MAP3K21: variants seen among roughly 807,000 people sequenced by gnomAD.
MAP3K21 encodes the protein mitogen-activated protein kinase kinase kinase MLK4.
MAP3K21 carries 63 observed loss-of-function variants against 86.1 expected under a neutral mutation model. The ratio of observed to expected loss-of-function variants is 0.73; its 90% CI spans 0.60 to 0.90. The LOEUF is 0.90. Among genes scored for constraint, MAP3K21 ranks in the 40% least tolerant of loss-of-function variants. The pLI, the probability that MAP3K21 is intolerant of heterozygous loss-of-function variation, is 0.00. For missense variants in MAP3K21, 1,220 were observed against 1,367.7 expected (o/e 0.89, Z 1.70); for synonymous variants, 558 against 564.8 (o/e 0.99, Z 0.17).
chr1:233,355,935 C>T (rs1384708251), intron 4 of MAP3K21, among the ~76,000 whole-genome samples: 1 of 152,160 alleles, frequency 6.6e-6, no homozygotes, highest in East Asian at 1.9e-4. Flanking sequence ...CCATTGCCCA[C>T]TTTTTTGCCA....
chr1:233,364,382 TC>T (rs1306023356), intron 5 of MAP3K21, among the ~76,000 whole-genome samples: 2 of 152,230 alleles, frequency 1.3e-5, no homozygotes, highest in Non-Finnish European at 2.9e-5. Flanking sequence ...ATGTCAGTTT[TC>T]TTCTAGCTGT....
At position 233,328,030 on chromosome 1, in the gene MAP3K21, T is replaced by TGGCTTTGCGG. The variant is rs1202745418; in HGVS notation, c.6_15dup (p.Ala6_?5). ...CGCCTTCCCCGCGCAGCTGCCCCCA[T>TGGCTTTGCGG]GGCTTTGCGGGGCGCCGCGGGAGCG... On this transcript the variant is annotated frameshift_variant and start_lost, in exon 1 of 10. Coordinates refer to ENST00000366624, the MANE Select transcript of MAP3K21 (RefSeq NM_032435.3). LOFTEE classifies it high-confidence loss of function. The surrounding 1 kb of genome is among the most constrained non-coding windows in gnomAD (Gnocchi z 8.7). 4.6e-6 allele frequency: 6 copies of TGGCTTTGCGG among 1,300,066 alleles called. No homozygotes were observed. Among genetic ancestry groups the TGGCTTTGCGG allele is most frequent in the Non-Finnish European group, 5.8e-6 (6 of 1,028,508 alleles). The allele number at this position is 1,300,066 out of a possible 1,614,324, so 80.5% of individuals were successfully genotyped here. A position where few individuals can be genotyped will look rare whatever the true frequency, so the allele number is the denominator to read the frequency against.
At chr1:233,348,008 C>T (rs6703635) in intron 2 of MAP3K21, among the ~76,000 whole-genome samples, 67,514 of 151,964 alleles carry the variant, frequency 0.44, 15,477 homozygotes, top group East Asian at 0.58. Flanking sequence ...TCACATACCA[C>T]GAAACTGATG....
At chr1:233,350,111 C>A (rs1031177358) in intron 2 of MAP3K21, among the ~76,000 whole-genome samples, 6 of 152,104 alleles carry the variant, frequency 3.9e-5, no homozygotes, top group African/African-American at 1.4e-4. Flanking sequence ...ATAGTGTTTG[C>A]ATATAGCCTG....
In MAP3K21 at chr1:233,335,533, T is replaced by TA. The variant is rs986672039; in HGVS notation, c.805+6710dup. 1.3e-3 allele frequency among the ~76,000 whole-genome samples: 196 copies of TA among 148,160 alleles called. 1 individual carries two copies. The highest frequency in any genetic ancestry group is 0.013 in the East Asian group (65 of 5,084). ...GCTCTAATTATCCCCAATTTACAGG[T>TA]AAAAAAAAAACTGAACTCAATGATT... is the stretch of plus-strand genomic sequence containing the variant. On this transcript the variant is annotated intron_variant, in intron 1 of 9. Coordinates refer to ENST00000366624, the MANE Select transcript of MAP3K21 (RefSeq NM_032435.3).
chr1:233,373,016 T>C (rs1024086169), intron 6 of MAP3K21: 4 of 152,114 alleles, frequency 2.6e-5, no homozygotes, highest in Admixed American at 1.3e-4. Flanking sequence ...CATTTTTTTT[T>C]CCTCTTTTGA....
At chr1:233,372,285 T>C (rs1044431986) in intron 6 of MAP3K21, 125 bp downstream of exon 6, 2 of 1,058,988 alleles carry the variant, frequency 1.9e-6, no homozygotes, top group Admixed American at 5.4e-5. Context: ...ATTTCGTAGG[T>C]GCCACAACTA....
intron 3 of MAP3K21, among the ~76,000 whole-genome samples, chr1:233,354,194 C>A (rs1344509278): frequency 6.6e-6 from 1 of 152,082 alleles, no homozygotes; most frequent in East Asian, 1.9e-4. Context: ...GTATAAAACT[C>A]AACTGAAAAG....
In MAP3K21 at chr1:233,382,337, T is replaced by A. The variant is rs1471127417; in HGVS notation, c.2737T>A (p.Ser913Thr). 1 of 1,613,940 alleles carries A rather than the reference T, an allele frequency of 6.2e-7. No homozygotes were observed. Among genetic ancestry groups the A allele is most frequent in the Non-Finnish European group, 8.5e-7 (1 of 1,179,960 alleles). Residue 913 changes from serine (S) to threonine (T), a missense_variant, in exon 10 of 10, where the codon TCT becomes ACT. Around this residue, in one of 5 missense-constraint regions of MAP3K21, gnomAD observed 632 missense variants for 691.3 expected, o/e 0.91. Coordinates refer to ENST00000366624, the MANE Select transcript of MAP3K21 (RefSeq NM_032435.3). ...AACTATTATCTCAGCCACTGGAGCCTCTGCACTGCCACTCTGCCCCTCACC... is the reference window on the plus strand; with the variant it reads ...AACTATTATCTCAGCCACTGGAGCCACTGCACTGCCACTCTGCCCCTCACC... ...GATIISATGASALPLCPSPAP... is the reference protein window; with the variant it reads ...GATIISATGATALPLCPSPAP...
Position 233,361,996 on chromosome 1 carries a change from C to T in MAP3K21, c.1312-57C>T, listed in dbSNP as rs1663474296. ...GGGGTCGCCAGTGTAGTGTAATAGACGGAATTCCCTTCTTCCTGCTGGGAA... is the reference window on the plus strand; with the variant it reads ...GGGGTCGCCAGTGTAGTGTAATAGATGGAATTCCCTTCTTCCTGCTGGGAA... On this transcript the variant is annotated intron_variant, in intron 4 of 9. Transcript: ENST00000366624. The T allele has an allele frequency of 2.5e-5, 40 of 1,580,376 alleles. 1 individual carries two copies. The South Asian group carries it at 3.4e-4, about 13-fold the overall frequency.
At chr1:233,377,784 G>A (rs1472262848) in intron 8 of MAP3K21, among the ~76,000 whole-genome samples, 1 of 152,100 alleles carries the variant, frequency 6.6e-6, no homozygotes, top group Non-Finnish European at 1.5e-5. Flanking sequence ...CCATAATGTA[G>A]AATCAGTGGG....
In MAP3K21 at chr1:233,382,825, C is replaced by T. The variant is rs1663945215; in HGVS notation, c.*114C>T. 1.1e-6 allele frequency: 1 copy of T among 894,370 alleles called. No homozygotes were observed. Among genetic ancestry groups the T allele is most frequent in the Admixed American group, 2.8e-5 (1 of 36,132 alleles). The allele number at this position is 894,370 out of a possible 1,614,324, so 55.4% of individuals were successfully genotyped here. A position where few individuals can be genotyped will look rare whatever the true frequency, so the allele number is the denominator to read the frequency against. On this transcript the variant is annotated 3_prime_UTR_variant, in exon 10 of 10. Coordinates refer to ENST00000366624, the MANE Select transcript of MAP3K21 (RefSeq NM_032435.3). ...GTTTTCAAAAGCTGTGGCCATGTTC[C>T]TAAATTAGTAAGATATATCCAGCTT...
Position 233,362,442 on chromosome 1 carries a change from A to T in MAP3K21, c.1552+149A>T, listed in dbSNP as rs1483888239. 6 of 837,034 alleles carry T rather than the reference A, an allele frequency of 7.2e-6. No individual in the cohort carries two copies. The East Asian group carries it at 1.3e-4, about 18-fold the overall frequency. The allele number at this position is 837,034 out of a possible 1,614,324, so 51.9% of individuals were successfully genotyped here. ...TATCTTCAGCTGTAGGCTTAGATTC[A>T]TGGTTCTAATGTAATGGCCTAATGA... is the stretch of plus-strand genomic sequence containing the variant. On this transcript the variant is annotated intron_variant, in intron 5 of 9. Transcript: ENST00000366624.
chr1:233,382,285 G>C lies in MAP3K21; in HGVS notation c.2705-20G>C. ...CTCATTTTCTTTCTAACTGCATACT[G>C]TTTTGGCTTTCTCAACCAGCTGGTG... On this transcript the variant is annotated intron_variant, in intron 9 of 9. Coordinates refer to ENST00000366624, the MANE Select transcript of MAP3K21 (RefSeq NM_032435.3). 8 of 1,599,174 alleles carry C rather than the reference G, an allele frequency of 5.0e-6. No individual in the cohort carries two copies. Among genetic ancestry groups the C allele is most frequent in the Non-Finnish European group, 6.8e-6 (8 of 1,169,228 alleles).
chr1:233,372,167 T>C lies in MAP3K21; in HGVS notation c.1675+7T>C. ...CGACTCCGAGCCATACAGTGTGAGCTTTCTGCACTGCCACGGGGGCTCCTG... is the reference window on the plus strand; with the variant it reads ...CGACTCCGAGCCATACAGTGTGAGCCTTCTGCACTGCCACGGGGGCTCCTG... On this transcript the variant is annotated splice_region_variant and intron_variant, in intron 6 of 9. Coordinates refer to ENST00000366624, the MANE Select transcript of MAP3K21 (RefSeq NM_032435.3). The C allele has an allele frequency of 1.9e-6, 3 of 1,613,656 alleles. No homozygotes were observed. Among genetic ancestry groups the C allele is most frequent in the Non-Finnish European group, 2.5e-6 (3 of 1,179,654 alleles).
chr1:233,343,046 A>T (rs550892235), intron 1 of MAP3K21, among the ~76,000 whole-genome samples: 1 of 152,162 alleles, frequency 6.6e-6, no homozygotes, highest in Non-Finnish European at 1.5e-5. Flanking sequence ...TACTTACCTA[A>T]TAAGCCCCTA....
intron 6 of MAP3K21, among the ~76,000 whole-genome samples, chr1:233,375,141 A>G (rs1034999767): frequency 1.1e-4 from 17 of 151,878 alleles, no homozygotes; most frequent in African/African-American, 4.1e-4. Flanking sequence ...ACCGGGTTTC[A>G]CCATGTTGGC....
At chr1:233,354,183 T>C (rs926712315) in intron 3 of MAP3K21, among the ~76,000 whole-genome samples, 1 of 152,214 alleles carries the variant, frequency 6.6e-6, no homozygotes, top group East Asian at 1.9e-4. Context: ...GACTTATTTA[T>C]GTATAAAACT....
At chr1:233,333,056 C>T (rs916753581) in intron 1 of MAP3K21, among the ~76,000 whole-genome samples, 1 of 152,084 alleles carries the variant, frequency 6.6e-6, no homozygotes, top group East Asian at 1.9e-4. Context: ...CTATGACAAA[C>T]TGCAAAAGGA....
Sources: gnomAD v4.1 joint callset for allele counts (sites outside exome capture counted in the v4.1 genomes callset) on GRCh38, gnomAD v4.1.1 for gene constraint, gnomAD v4.1.1 regional missense constraint, Gnocchi (gnomAD v3.1) non-coding constraint, MANE v1.5 for transcripts, NCBI Gene and HGNC (gene_info 2026-07-23, HGNC 2026-07-21) for gene names.